SRPK1: variants seen among roughly 807,000 people sequenced by gnomAD.
SRPK1 encodes SFRS protein kinase 1.
A neutral mutation model predicts 89.5 loss-of-function variants in SRPK1; 52 were observed. That is an observed-to-expected ratio of 0.58 (90% CI 0.46 to 0.73). The LOEUF is 0.73. SRPK1 is among the 30% of genes least tolerant of loss of function. The pLI is 0.00. For missense variants in SRPK1, 603 were observed against 780.6 expected (o/e 0.77, Z 2.71); for synonymous variants, 255 against 270.2 (o/e 0.94, Z 0.55).
chr6:35,852,481 A>C (rs1769575956), intron 13 of SRPK1, among the ~76,000 whole-genome samples: 1 of 152,240 alleles, frequency 6.6e-6, no homozygotes, highest in South Asian at 2.1e-4. Context: ...TAGGATAAGG[A>C]AATTGTACAA....
chr6:35,905,853 TTAAGTA>T (rs1770837512), intron 2 of SRPK1, among the ~76,000 whole-genome samples: 1 of 152,202 alleles, frequency 6.6e-6, no homozygotes, highest in African/African-American at 2.4e-5. Flanking sequence ...GATTCCATGT[TTAAGTA>T]TAACATGAAC....
rs776982742 is a variant in SRPK1 at position 35,888,835 on chromosome 6, T to C, written c.282A>G (p.Val94=). ...RKLGWGHFST[V]WLSWDIQGKK... ...CTTACTGAATATCCCATGATAACCA[T>C]ACTGTTGAAAAGTGTCCCCAGCCTA... Residue 94 remains valine (V), a synonymous_variant, in exon 4 of 16, where the codon GTA becomes GTG. Coordinates refer to ENST00000373825, the MANE Select transcript of SRPK1 (RefSeq NM_003137.5). 6 of 1,609,808 alleles carry C rather than the reference T, an allele frequency of 3.7e-6. No individual in the cohort carries two copies. Among genetic ancestry groups the C allele is most frequent in the Non-Finnish European group, 4.3e-6 (5 of 1,176,296 alleles).
chr6:35,917,037 G>A (rs372345690), intron 2 of SRPK1, among the ~76,000 whole-genome samples: 79 of 151,636 alleles, frequency 5.2e-4, no homozygotes, highest in African/African-American at 1.8e-3. Flanking sequence ...TCCAGCCCGG[G>A]TGACAGAGTG....
chr6:35,891,710 A>G (rs1179105958), intron 2 of SRPK1, among the ~76,000 whole-genome samples: 1 of 150,864 alleles, frequency 6.6e-6, no homozygotes, highest in Non-Finnish European at 1.5e-5. Context: ...CTGGGCAACA[A>G]GAGCGAAACT....
Position 35,879,919 on chromosome 6 carries a change from A to G in SRPK1, c.479-5580T>C, listed in dbSNP as rs1770236215. 2.0e-5 allele frequency among the ~76,000 whole-genome samples: 3 copies of G among 151,808 alleles called. No individual in the cohort carries two copies. In the South Asian group the frequency reaches 6.2e-4, roughly 32 times the overall value. On this transcript the variant is annotated intron_variant, in intron 6 of 15. Transcript: ENST00000373825. ...AGACTCCATCTCTACAAAATTTTAAAAATTAGCTGGGTGTGGTGGCATGCA... is the reference window on the plus strand; with the variant it reads ...AGACTCCATCTCTACAAAATTTTAAGAATTAGCTGGGTGTGGTGGCATGCA...
chr6:35,837,936 T>C (rs940672581), intron 15 of SRPK1, among the ~76,000 whole-genome samples: 6 of 151,610 alleles, frequency 4.0e-5, no homozygotes, highest in Non-Finnish European at 1.5e-5. Flanking sequence ...TGGTGCGATC[T>C]TGGCTCACTG....
rs1770921995 is a variant in SRPK1, at chr6:35,909,709, C to T, written c.74+10759G>A. Among the ~76,000 whole-genome samples, 4 of 152,322 alleles carry T rather than the reference C, an allele frequency of 2.6e-5. No individual in the cohort carries two copies. In the South Asian group the frequency reaches 8.3e-4, roughly 32 times the overall value. The stretch of plus-strand genomic sequence containing the variant: ...ATCAGATCATGGGGGTGGCTCCCCT[C>T]ATGCTGTTCTCATGATAGTTCTCAC... On this transcript the variant is annotated intron_variant, in intron 2 of 15. Transcript: ENST00000373825.
chr6:35,871,641 ACTCAAC>A (rs1466314374), intron 8 of SRPK1, among the ~76,000 whole-genome samples: 3 of 152,162 alleles, frequency 2.0e-5, no homozygotes, highest in Non-Finnish European at 4.4e-5. Flanking sequence ...ATAACTAATA[ACTCAAC>A]TTGAGGATCA....
chr6:35,878,860 G>A (rs1472211832), intron 6 of SRPK1, among the ~76,000 whole-genome samples: 1 of 152,184 alleles, frequency 6.6e-6, no homozygotes, highest in Non-Finnish European at 1.5e-5. Flanking sequence ...GGAGGCCAAA[G>A]TGGGCAGATC....
intron 12 of SRPK1, among the ~76,000 whole-genome samples, chr6:35,865,157 A>C (rs984347228): frequency 6.6e-6 from 1 of 152,132 alleles, no homozygotes; most frequent in Admixed American, 6.6e-5. Context: ...AATAATAATT[A>C]TATATTTAAA....
intron 6 of SRPK1, among the ~76,000 whole-genome samples, chr6:35,884,192 A>G (rs1162007990): frequency 1.1e-4 from 17 of 152,210 alleles, no homozygotes; most frequent in Admixed American, 1.1e-3. Context: ...TGAAAAAAAA[A>G]GTATCCTAAA....
chr6:35,894,814 T>C (rs1240219608), intron 2 of SRPK1, among the ~76,000 whole-genome samples: 1 of 152,112 alleles, frequency 6.6e-6, no homozygotes, highest in Non-Finnish European at 1.5e-5. Flanking sequence ...GGACCAACAT[T>C]GAAACTTATC....
At chr6:35,856,290 TCA>T (rs1261735497) in intron 13 of SRPK1, among the ~76,000 whole-genome samples, 1 of 152,038 alleles carries the variant, frequency 6.6e-6, no homozygotes, top group African/African-American at 2.4e-5. Context: ...CACAGAAGCT[TCA>T]CATTTAGTAC....
rs1481733234 is a variant in SRPK1 at position 35,914,452 on chromosome 6, C to T, written c.74+6016G>A. ...TGGCTTCACAGGAGATACAAGAACA[C>T]TCCCATTTCCACTGCTTTGCCTAGA... On this transcript the variant is annotated intron_variant, in intron 2 of 15. Transcript: ENST00000373825. Among the ~76,000 whole-genome samples the T allele has an allele frequency of 3.3e-5, 5 of 152,290 alleles. No individual in the cohort carries two copies. The South Asian group carries it at 6.2e-4, about 19-fold the overall frequency.
At position 35,870,485 on chromosome 6, in the gene SRPK1, T is replaced by C; in HGVS notation, c.787A>G (p.Met263Val). 6.4e-7 allele frequency: 1 copy of C among 1,551,092 alleles called. No homozygotes were observed. Among genetic ancestry groups the C allele is most frequent in the African/African-American group, 1.4e-5 (1 of 73,150 alleles). Residue 263 changes from methionine to valine, a missense_variant, in exon 10 of 16, where the codon ATG becomes GTG. By Grantham distance (21) the Met-to-Val change is conservative. Transcript: ENST00000373825. ...AATTTCTTCTTCTTATTCTTTGACATTTTGTCAGCCTGGGCGGAGATTACA... is the reference window on the plus strand; with the variant it reads ...AATTTCTTCTTCTTATTCTTTGACACTTTGTCAGCCTGGGCGGAGATTACA... ...TAPQPKPADK[M>V]SKNKKKKLKK... is the part of the protein sequence containing the mutation.
rs73729624 is a variant in SRPK1, at chr6:35,920,057, A to T, written c.74+411T>A. 2.2e-3 allele frequency: 1,023 copies of T among 458,832 alleles called. 7 individuals are homozygous for T. Among genetic ancestry groups the T allele is most frequent in the African/African-American group, 0.019 (937 of 50,318 alleles). The allele number at this position is 458,832 out of a possible 1,614,324, so 28.4% of individuals were successfully genotyped here. A position where few individuals can be genotyped will look rare whatever the true frequency, so the allele number is the denominator to read the frequency against. On this transcript the variant is annotated intron_variant, in intron 2 of 15. Coordinates refer to ENST00000373825, the MANE Select transcript of SRPK1 (RefSeq NM_003137.5). ...AAAAATTCATTCAAGAATTTCCTTA[A>T]GGCCTACCGTGAAGACGTCGGAGGC...
intron 2 of SRPK1, among the ~76,000 whole-genome samples, chr6:35,913,419 G>C (rs553015276): frequency 2.6e-5 from 4 of 152,064 alleles, no homozygotes. Context: ...ACTCCAACTC[G>C]GGAGGTGGAG....
At position 35,869,543 on chromosome 6, in the gene SRPK1, C is replaced by A. The variant is rs1301066198; in HGVS notation, c.1350G>T (p.Arg450=). ...GTTCATCTTCACAGGGTATCTCTGC[C>A]CGAATGCTTTCTTGAAGTTGGCTAA... ...QHISQLQESI[R]AEIPCEDEQE... Residue 450 remains arginine (R), a synonymous_variant, in exon 11 of 16, where the codon CGG becomes CGT. Transcript: ENST00000373825. 1.2e-6 allele frequency: 2 copies of A among 1,613,874 alleles called. No homozygotes were observed. The highest frequency in any genetic ancestry group is 2.2e-5 in the East Asian group (1 of 44,880).
chr6:35,852,212 T>A (rs1769570770), intron 13 of SRPK1, among the ~76,000 whole-genome samples: 1 of 152,192 alleles, frequency 6.6e-6, no homozygotes, highest in Admixed American at 6.5e-5. Flanking sequence ...CTTGGGGAGC[T>A]GTGCATTTAA....
Sources: gnomAD v4.1 joint callset for allele counts (sites outside exome capture counted in the v4.1 genomes callset) on GRCh38, gnomAD v4.1.1 for gene constraint, MANE v1.5 for transcripts, NCBI Gene and HGNC (gene_info 2026-07-23, HGNC 2026-07-21) for gene names.